SAMSN1: variants seen among roughly 807,000 people sequenced by gnomAD.
SAMSN1 encodes SAM domain, SH3 domain and nuclear localization signals 1.
A neutral mutation model predicts 42.0 loss-of-function variants in SAMSN1; 31 were observed. That is an observed-to-expected ratio of 0.74 (90% CI 0.55 to 1.00). SAMSN1 has a LOEUF of 1.00. Among genes scored for constraint, SAMSN1 ranks in the 50% least tolerant of loss-of-function variants. The pLI is 0.00. For missense variants in SAMSN1, 464 were observed against 439.4 expected, an observed-to-expected ratio of 1.06 and a Z score of -0.50; for synonymous variants, 178 against 151.9, an observed-to-expected ratio of 1.17 and a Z score of -1.26.
intron 2 of SAMSN1, among the ~76,000 whole-genome samples, chr21:14,618,680 GT>G (rs1982912342): frequency 2.5e-5 from 2 of 80,528 alleles, no homozygotes; most frequent in Admixed American, 1.1e-4. Flanking sequence ...GTGTGTGTGT[GT>G]GTGTGTGTGT....
In SAMSN1 at chr21:14,498,532, T is replaced by C. The variant is rs142845685; in HGVS notation, c.829A>G (p.Lys277Glu). The C allele has an allele frequency of 1.3e-4, 203 of 1,610,992 alleles. No individual in the cohort carries two copies. Among genetic ancestry groups the C allele is most frequent in the Non-Finnish European group, 1.6e-4 (188 of 1,178,432 alleles). ...TTTAATTCAATGAGGTGACTCTCTT[T>C]TATATCTTTTAAATCTTCTAGAGTC... is the stretch of plus-strand genomic sequence containing the variant. ...YETLEDLKDIKESHLIELNIE... is the reference protein window; with the variant it reads ...YETLEDLKDIEESHLIELNIE... Residue 277 changes from lysine (K) to glutamate (E), a missense_variant, in exon 7 of 8, where the codon AAA becomes GAA. By Grantham distance (56) the Lys-to-Glu change is moderately conservative. Transcript: ENST00000400566.
rs1363627274 is a variant in SAMSN1 at position 14,593,886 on chromosome 21, C to G, written c.465+127G>C. 8.6e-6 allele frequency: 5 copies of G among 579,836 alleles called. No individual in the cohort carries two copies. The East Asian group carries it at 1.4e-4, about 16-fold the overall frequency. The allele number at this position is 579,836 out of a possible 1,614,324, so 35.9% of individuals were successfully genotyped here. On this transcript the variant is annotated intron_variant, in intron 7 of 15. Coordinates refer to the SAMSN1 transcript ENST00000647101. ...CCTCTATTTATGTTCTTTAGAAACA[C>G]TTCCATGTGGCAGCTGAAAACAGAA...
rs993951807 is a variant in SAMSN1, at chr21:14,486,126, A to G, written c.920-12T>C. The G allele has an allele frequency of 6.3e-7, 1 of 1,599,566 alleles. No homozygotes were observed. Among genetic ancestry groups the G allele is most frequent in the Non-Finnish European group, 8.6e-7 (1 of 1,168,058 alleles). Reference sequence around the variant, plus strand: ...TTGCTCTTGAATAACTGTAAATGGAAAAAAAGGGCAGGAGTTAGGTAAAGC... The same window carrying G: ...TTGCTCTTGAATAACTGTAAATGGAGAAAAAGGGCAGGAGTTAGGTAAAGC... On this transcript the variant is annotated splice_polypyrimidine_tract_variant and intron_variant, in intron 7 of 7. Coordinates refer to ENST00000400566, the MANE Select transcript of SAMSN1 (RefSeq NM_022136.5).
At chr21:14,555,626 C>G (rs1053685225) in intron 2 of SAMSN1, among the ~76,000 whole-genome samples, 9 of 152,308 alleles carry the variant, frequency 5.9e-5, no homozygotes, top group Non-Finnish European at 1.2e-4. Context: ...AGTGATTGTG[C>G]TCTCTCCACA....
intron 2 of SAMSN1, among the ~76,000 whole-genome samples, chr21:14,619,148 A>T (rs1397348511): frequency 6.6e-6 from 1 of 152,234 alleles, no homozygotes; most frequent in Non-Finnish European, 1.5e-5. Flanking sequence ...GTAGATATCA[A>T]ATATATTTCT....
At chr21:14,583,393 C>T (rs1981819008) in exon 1 of SAMSN1, 1 of 398,284 alleles carries the variant, frequency 2.5e-6, no homozygotes, top group Non-Finnish European at 4.5e-6. Context: ...GTGGACACTG[C>T]TGAGCTTCCT....
At chr21:14,531,110 A>G (rs1280320833) in intron 1 of SAMSN1, among the ~76,000 whole-genome samples, 1 of 152,172 alleles carries the variant, frequency 6.6e-6, no homozygotes, top group Non-Finnish European at 1.5e-5. Flanking sequence ...TGTATAGGAT[A>G]TGGCAAATAG....
intron 1 of SAMSN1, among the ~76,000 whole-genome samples, chr21:14,539,376 T>C (rs971849743): frequency 2.4e-4 from 36 of 152,292 alleles, no homozygotes; most frequent in African/African-American, 8.4e-4. Context: ...GATGACATGA[T>C]TGTATATCTA....
Position 14,643,011 on chromosome 21 carries a change from ATTGT to A in SAMSN1, c.143_146del (p.Asn48IlefsTer9). 2.8e-6 allele frequency: 2 copies of A among 717,124 alleles called. No homozygotes were observed. Among genetic ancestry groups the A allele is most frequent in the Non-Finnish European group, 5.2e-6 (2 of 384,946 alleles). The allele number at this position is 717,124 out of a possible 1,614,324, so 44.4% of individuals were successfully genotyped here. On this transcript the variant is annotated frameshift_variant, in exon 2 of 16. Coordinates refer to the SAMSN1 transcript ENST00000647101. LOFTEE classifies it high-confidence loss of function. ...TCAATGCTTCACTCACCACGAAGAG[ATTGT>A]TTGGTGTTTGTTCACTCTCTCCAAA...
chr21:14,603,062 A>G (rs1387132128), intron 5 of SAMSN1, among the ~76,000 whole-genome samples: 1 of 152,200 alleles, frequency 6.6e-6, no homozygotes, highest in Non-Finnish European at 1.5e-5. Flanking sequence ...CCTAAATTTT[A>G]AACTGAGCTG....
At chr21:14,630,745 A>C (rs1222709584) in intron 2 of SAMSN1, among the ~76,000 whole-genome samples, 1 of 152,208 alleles carries the variant, frequency 6.6e-6, no homozygotes, top group Non-Finnish European at 1.5e-5. Context: ...GATTACGTGC[A>C]CTGTTTTGAC....
At chr21:14,551,386 A>G (rs1270858096) in intron 2 of SAMSN1, among the ~76,000 whole-genome samples, 1 of 152,118 alleles carries the variant, frequency 6.6e-6, no homozygotes, top group African/African-American at 2.4e-5. Context: ...GAACTTCATA[A>G]ATTACATCTA....
intron 1 of SAMSN1, among the ~76,000 whole-genome samples, chr21:14,528,437 C>T (rs1026461299): frequency 4.6e-5 from 7 of 152,152 alleles, no homozygotes; most frequent in African/African-American, 1.2e-4. Flanking sequence ...ATAAGGCACC[C>T]TCTGCCTGCC....
At chr21:14,529,393 C>T (rs1004321658) in intron 1 of SAMSN1, among the ~76,000 whole-genome samples, 2 of 152,204 alleles carry the variant, frequency 1.3e-5, no homozygotes, top group Non-Finnish European at 2.9e-5. Context: ...TCCCACATTA[C>T]TCTTCAAGTT....
At chr21:14,614,857 A>G (rs1017807879) in intron 3 of SAMSN1, among the ~76,000 whole-genome samples, 1 of 152,158 alleles carries the variant, frequency 6.6e-6, no homozygotes, top group Non-Finnish European at 1.5e-5. Flanking sequence ...GGAGTCTTCA[A>G]TTTTATTTTA....
intron 5 of SAMSN1, among the ~76,000 whole-genome samples, chr21:14,608,394 G>T (rs1364505367): frequency 6.6e-6 from 1 of 152,174 alleles, no homozygotes; most frequent in Non-Finnish European, 1.5e-5. Flanking sequence ...AAATTCAGCT[G>T]TCCACTACAG....
chr21:14,613,603 T>C (rs61182990), intron 3 of SAMSN1, among the ~76,000 whole-genome samples: 127 of 152,320 alleles, frequency 8.3e-4, no homozygotes, highest in African/African-American at 3.0e-3. Context: ...TAAGGTTTCC[T>C]TTTTGTTAAT....
intron 2 of SAMSN1, among the ~76,000 whole-genome samples, chr21:14,573,711 C>A (rs1052035138): frequency 2.0e-5 from 3 of 152,008 alleles, no homozygotes; most frequent in Non-Finnish European, 4.4e-5. Context: ...TCCTTATGAC[C>A]CAAACTATTG....
At chr21:14,554,304 A>AG (rs1292863667) in intron 2 of SAMSN1, among the ~76,000 whole-genome samples, 1 of 152,146 alleles carries the variant, frequency 6.6e-6, no homozygotes, top group Non-Finnish European at 1.5e-5. Context: ...TAGCCTTTCC[A>AG]TAAAGTGCAC....
Sources: allele counts gnomAD v4.1 joint callset (sites outside exome capture counted in the v4.1 genomes callset), GRCh38; gene constraint gnomAD v4.1.1; transcripts MANE v1.5; gene names NCBI Gene and HGNC (gene_info 2026-07-23, HGNC 2026-07-21).